HDAC9: variants seen among roughly 807,000 people sequenced by gnomAD.
HDAC9 encodes MEF-2 interacting transcription repressor (MITR) protein.
In HDAC9, 41 loss-of-function variants were observed where a neutral mutation model predicts 139.4. The ratio of observed to expected loss-of-function variants is 0.29; its 90% confidence interval spans 0.23 to 0.38. The LOEUF (loss-of-function observed/expected upper bound fraction) is 0.38, where lower values mean the gene tolerates loss of function less well. HDAC9 is among the 10% of genes least tolerant of loss of function. HDAC9 has a pLI of 1.00. For missense variants in HDAC9, 1,147 were observed against 1,297.0 expected (o/e 0.88, Z 1.78); for synonymous variants, 517 against 476.2 (o/e 1.09, Z -1.12).
chr7:18,980,778 CTCTTCT>C (rs774018409), intron 25 of HDAC9, among the ~76,000 whole-genome samples: 2 of 95,956 alleles, frequency 2.1e-5, no homozygotes, highest in African/African-American at 7.6e-5. Context: ...CTTCTTCTTC[CTCTTCT>C]TCTTCTTCCT....
chr7:18,281,304 T>C (rs1797091525), intron 2 of HDAC9, among the ~76,000 whole-genome samples: 1 of 152,242 alleles, frequency 6.6e-6, no homozygotes, highest in Non-Finnish European at 1.5e-5. Flanking sequence ...CACTGACTTA[T>C]ATTCATATAT....
intron 2 of HDAC9, among the ~76,000 whole-genome samples, chr7:18,273,928 T>C (rs1323812499): frequency 6.6e-6 from 1 of 152,192 alleles, no homozygotes; most frequent in Non-Finnish European, 1.5e-5. Flanking sequence ...TGAAGTTCAA[T>C]GTCACCAGGT....
At chr7:18,241,861 G>A (rs910491756) in intron 2 of HDAC9, among the ~76,000 whole-genome samples, 1 of 152,176 alleles carries the variant, frequency 6.6e-6, no homozygotes, top group African/African-American at 2.4e-5. Context: ...TTAAATATAT[G>A]CCACAAGGCT....
chr7:18,377,779 A>G (rs1262027674), intron 1 of HDAC9, among the ~76,000 whole-genome samples: 1 of 152,218 alleles, frequency 6.6e-6, no homozygotes, highest in East Asian at 1.9e-4. Flanking sequence ...ATAATGATTC[A>G]TTAAGGATCT....
At chr7:18,186,188 C>T (rs1002993193) in intron 2 of HDAC9, among the ~76,000 whole-genome samples, 3 of 152,216 alleles carry the variant, frequency 2.0e-5, no homozygotes, top group Non-Finnish European at 4.4e-5. Flanking sequence ...TGAATTTAGG[C>T]AGTCCAACAC....
At chr7:18,573,572 C>G (rs1446424574) in intron 2 of HDAC9, among the ~76,000 whole-genome samples, 1 of 152,216 alleles carries the variant, frequency 6.6e-6, no homozygotes, top group African/African-American at 2.4e-5. Flanking sequence ...CCCACACCTG[C>G]CAAGTACGAG....
At chr7:18,511,922 G>T (rs1051209662) in intron 2 of HDAC9, among the ~76,000 whole-genome samples, 2 of 151,638 alleles carry the variant, frequency 1.3e-5, no homozygotes, top group African/African-American at 4.8e-5. Context: ...TAGCCATATG[G>T]GTTTTCTTTT....
At chr7:18,905,289 A>AT (rs1802129213) in intron 22 of HDAC9, among the ~76,000 whole-genome samples, 1 of 152,182 alleles carries the variant, frequency 6.6e-6, no homozygotes, top group Admixed American at 6.5e-5. Context: ...CTTGCCATAT[A>AT]TCTCTTACCA....
intron 6 of HDAC9, among the ~76,000 whole-genome samples, chr7:18,599,099 G>A (rs1363108867): frequency 5.9e-5 from 9 of 152,196 alleles, no homozygotes; most frequent in Non-Finnish European, 1.0e-4. Context: ...GCTCACTAGG[G>A]CCAGAGTTTT....
chr7:18,379,247 A>G (rs924169818), intron 1 of HDAC9, among the ~76,000 whole-genome samples: 3 of 152,242 alleles, frequency 2.0e-5, no homozygotes, highest in Admixed American at 6.5e-5. Context: ...ATAAGTATAG[A>G]TTAAAATCGT....
intron 16 of HDAC9, among the ~76,000 whole-genome samples, chr7:18,780,583 G>A (rs991052665): frequency 6.6e-6 from 1 of 152,022 alleles, no homozygotes; most frequent in Non-Finnish European, 1.5e-5. Flanking sequence ...GAGCTAGTAG[G>A]CTATACCTGG....
At chr7:18,932,728 A>G (rs1240987295) in intron 22 of HDAC9, among the ~76,000 whole-genome samples, 1 of 151,974 alleles carries the variant, frequency 6.6e-6, no homozygotes, top group Non-Finnish European at 1.5e-5. Context: ...AGCTTTTGCC[A>G]CCAATAAAGG....
Position 18,520,135 on chromosome 7 carries a change from T to A in HDAC9, c.22+23811T>A, listed in dbSNP as rs147563389. The stretch of plus-strand genomic sequence containing the variant: ...GTTCAATAAAGTGTTTTTATATCAG[T>A]ATGTTTATTAATAATTAAAAGTATT... On this transcript the variant is annotated intron_variant, in intron 2 of 25. Transcript: ENST00000686413. Among the ~76,000 whole-genome samples, 160 of 152,252 alleles carry A rather than the reference T, an allele frequency of 1.1e-3. 1 individual carries two copies. Among genetic ancestry groups the A allele is most frequent in the African/African-American group, 3.5e-3 (146 of 41,570 alleles).
intron 12 of HDAC9, among the ~76,000 whole-genome samples, chr7:18,706,185 G>A (rs1446799923): frequency 7.1e-5 from 3 of 42,246 alleles, no homozygotes; most frequent in Non-Finnish European, 1.2e-4. Context: ...TTTTTTTTTT[G>A]CTTTATTCTC....
chr7:18,807,431 C>T (rs1793800455), intron 17 of HDAC9, among the ~76,000 whole-genome samples: 1 of 151,850 alleles, frequency 6.6e-6, no homozygotes, highest in Non-Finnish European at 1.5e-5. Flanking sequence ...GTTTTTATTT[C>T]ATTTATTTCT....
chr7:18,703,796 A>G (rs1469375429), intron 12 of HDAC9, among the ~76,000 whole-genome samples: 1 of 151,156 alleles, frequency 6.6e-6, no homozygotes, highest in Non-Finnish European at 1.5e-5. Context: ...GGGCAGTGTC[A>G]CATTCCTACC....
chr7:18,601,303 T>TTGTA (rs1437899628), intron 6 of HDAC9, among the ~76,000 whole-genome samples: 3 of 152,232 alleles, frequency 2.0e-5, no homozygotes, highest in African/African-American at 4.8e-5. Flanking sequence ...CAGCTGACTT[T>TTGTA]TGTATATTAA....
At chr7:18,565,068 C>A (rs969279154) in intron 2 of HDAC9, among the ~76,000 whole-genome samples, 1 of 151,870 alleles carries the variant, frequency 6.6e-6, no homozygotes, top group African/African-American at 2.4e-5. Flanking sequence ...CACAATTTGG[C>A]TCACCGCAAC....
Position 18,508,983 on chromosome 7 carries a change from C to T in HDAC9, c.22+12659C>T, listed in dbSNP as rs534512328. Among the ~76,000 whole-genome samples the T allele has an allele frequency of 2.6e-5, 4 of 152,172 alleles. No individual in the cohort carries two copies. In the East Asian group the frequency reaches 5.8e-4, roughly 22 times the overall value. The stretch of plus-strand genomic sequence containing the variant: ...CGTTGGGTTAGCAACTGGCTAGATT[C>T]GTGACATGTTGTTACAAAAAAATAG... On this transcript the variant is annotated intron_variant, in intron 2 of 25. Coordinates refer to ENST00000686413, the MANE Select transcript of HDAC9 (RefSeq NM_178425.4).
Sources: allele counts gnomAD v4.1 joint callset (sites outside exome capture counted in the v4.1 genomes callset), GRCh38; gene constraint gnomAD v4.1.1; transcripts MANE v1.5; gene names NCBI Gene and HGNC (gene_info 2026-07-23, HGNC 2026-07-21).